Variants in FBXW7 observed in about 807,000 individuals in gnomAD.
The protein encoded by FBXW7 is F-box/WD repeat-containing protein 7.
Under a neutral mutation model 86.3 loss-of-function variants are expected in FBXW7, and 11 were observed. The ratio of observed to expected loss-of-function variants is 0.13; its 90% CI spans 0.08 to 0.21. FBXW7 has a LOEUF of 0.21. Among genes scored for constraint, FBXW7 ranks in the 10% least tolerant of loss-of-function variants. The pLI is 1.00. For missense variants in FBXW7, 488 were observed against 847.4 expected (o/e 0.58, Z 5.27); for synonymous variants, 313 against 297.9 (o/e 1.05, Z -0.52).
intron 2 of FBXW7, among the ~76,000 whole-genome samples, chr4:152,530,070 T>TAC (rs200498212): frequency 0.13 from 15,837 of 124,518 alleles, 1,130 homozygotes; most frequent in Non-Finnish European, 0.19. Flanking sequence ...AAAAAAAAAA[T>TAC]ACACACACAC....
intron 2 of FBXW7, among the ~76,000 whole-genome samples, chr4:152,444,891 G>A (rs1000711912): frequency 6.6e-6 from 1 of 152,124 alleles, no homozygotes; most frequent in African/African-American, 2.4e-5. Context: ...GACTGCAGTG[G>A]CACAATAATA....
chr4:152,439,378 GAACT>G (rs1030242192), intron 2 of FBXW7, among the ~76,000 whole-genome samples: 12 of 152,178 alleles, frequency 7.9e-5, no homozygotes, highest in African/African-American at 2.9e-4. Flanking sequence ...CTAGAACTTA[GAACT>G]AACTGGGGTA....
intron 2 of FBXW7, among the ~76,000 whole-genome samples, chr4:152,422,933 TTTTC>T (rs1270717864): frequency 2.6e-5 from 4 of 152,350 alleles, no homozygotes; most frequent in Non-Finnish European, 4.4e-5. Context: ...TTTTCCATTC[TTTTC>T]TTTTTCTTAA....
At chr4:152,326,438 A>C (rs563418763) in intron 11 of FBXW7, among the ~76,000 whole-genome samples, 1 of 151,678 alleles carries the variant, frequency 6.6e-6, no homozygotes, top group East Asian at 1.9e-4. Context: ...TGGGAAGCCT[A>C]GAATGCTGCA....
chr4:152,489,700 T>A (rs1745662953), intron 2 of FBXW7, among the ~76,000 whole-genome samples: 2 of 152,046 alleles, frequency 1.3e-5, no homozygotes, highest in Non-Finnish European at 2.9e-5. Flanking sequence ...ATAAAATTAA[T>A]CTTAAAATTT....
chr4:152,386,030 T>A (rs1735498655), intron 4 of FBXW7, among the ~76,000 whole-genome samples: 1 of 151,928 alleles, frequency 6.6e-6, no homozygotes. Context: ...AAAACCCTAA[T>A]AAATGAGGGA....
At chr4:152,372,631 C>T (rs1216411418) in intron 4 of FBXW7, among the ~76,000 whole-genome samples, 1 of 151,902 alleles carries the variant, frequency 6.6e-6, no homozygotes, top group Non-Finnish European at 1.5e-5. Flanking sequence ...CACTTGTTTA[C>T]CTTGCCAGGA....
intron 2 of FBXW7, among the ~76,000 whole-genome samples, chr4:152,482,064 T>A (rs1744930953): frequency 6.6e-6 from 1 of 152,172 alleles, no homozygotes. Flanking sequence ...CATCAAAGAA[T>A]AATTGATGTA....
chr4:152,521,788 A>G (rs1020122474), intron 2 of FBXW7, among the ~76,000 whole-genome samples: 2 of 151,218 alleles, frequency 1.3e-5, no homozygotes, highest in African/African-American at 4.9e-5. Context: ...CCTGAAATGG[A>G]CAAGGAATGG....
chr4:152,326,492 G>A (rs1371719535), intron 11 of FBXW7, among the ~76,000 whole-genome samples: 4 of 151,832 alleles, frequency 2.6e-5, no homozygotes, highest in African/African-American at 7.2e-5. Flanking sequence ...AGCACCTTAA[G>A]GTTCTGTGGG....
chr4:152,380,350 A>G (rs908147115), intron 4 of FBXW7, among the ~76,000 whole-genome samples: 1 of 152,108 alleles, frequency 6.6e-6, no homozygotes, highest in Non-Finnish European at 1.5e-5. Context: ...AAGAAAGGAT[A>G]TAATTTCACA....
At chr4:152,352,911 C>T (rs950353599) in intron 4 of FBXW7, 11 of 1,432,178 alleles carry the variant, frequency 7.7e-6, no homozygotes, top group Non-Finnish European at 1.0e-5. Flanking sequence ...TTCAGCAATG[C>T]AGACTGCACA....
At chr4:152,520,007 T>C (rs1304807455) in intron 2 of FBXW7, among the ~76,000 whole-genome samples, 1 of 152,204 alleles carries the variant, frequency 6.6e-6, no homozygotes, top group East Asian at 1.9e-4. Flanking sequence ...TTAGGACAGT[T>C]CCTGACATAC....
chr4:152,348,709 G>C, intron 5 of FBXW7: 1 of 1,179,082 alleles, frequency 8.5e-7, no homozygotes, highest in Non-Finnish European at 1.1e-6. Flanking sequence ...ATAGAAGACT[G>C]ATACATTTAA....
Position 152,450,514 on chromosome 4 carries a change from G to A in FBXW7, c.-119-37985C>T, listed in dbSNP as rs367578946. ...CTGTCACACTTTCAGATGCATGCCAGCCACGTTAGCGAAAAATGTCCTAGT... is the reference window on the plus strand; with the variant it reads ...CTGTCACACTTTCAGATGCATGCCAACCACGTTAGCGAAAAATGTCCTAGT... On this transcript the variant is annotated intron_variant, in intron 2 of 13. Transcript: ENST00000281708. Among the ~76,000 whole-genome samples the A allele has an allele frequency of 3.0e-4, 46 of 152,310 alleles. No homozygotes were observed. In the South Asian group the frequency reaches 9.3e-3, roughly 31 times the overall value.
chr4:152,441,355 C>T (rs1363095158), intron 2 of FBXW7, among the ~76,000 whole-genome samples: 1 of 152,102 alleles, frequency 6.6e-6, no homozygotes, highest in African/African-American at 2.4e-5. Flanking sequence ...GAAATTTGCT[C>T]CATTAGTCAC....
At chr4:152,339,465 C>T (rs1031604959) in intron 6 of FBXW7, among the ~76,000 whole-genome samples, 2 of 152,206 alleles carry the variant, frequency 1.3e-5, no homozygotes, top group African/African-American at 4.8e-5. Context: ...AATCTCCACT[C>T]ATCTCTCTCC....
intron 6 of FBXW7, among the ~76,000 whole-genome samples, chr4:152,345,139 A>G (rs1275779822): frequency 1.3e-5 from 2 of 152,202 alleles, no homozygotes; most frequent in African/African-American, 4.8e-5. Context: ...TTTTAAGGCT[A>G]TACAAGTGTC....
chr4:152,362,828 C>CAAAAAA (rs35796895), intron 4 of FBXW7, among the ~76,000 whole-genome samples: 13 of 79,122 alleles, frequency 1.6e-4, no homozygotes, highest in Admixed American at 4.4e-4. Context: ...CTCTCTCTCT[C>CAAAAAA]AAAAAAAAAA....
Sources: allele counts gnomAD v4.1 joint callset (sites outside exome capture counted in the v4.1 genomes callset), GRCh38; gene constraint gnomAD v4.1.1; transcripts MANE v1.5; gene names NCBI Gene and HGNC (gene_info 2026-07-23, HGNC 2026-07-21).